The following CTNNA2 variants were observed in gnomAD, a reference collection of about 807,000 sequenced individuals.
CTNNA2 encodes the protein catenin alpha 2.
Under a neutral mutation model 101.0 loss-of-function variants are expected in CTNNA2, and 42 were observed. The ratio of observed to expected loss-of-function variants is 0.42; its 90% CI spans 0.32 to 0.54. The LOEUF (loss-of-function observed/expected upper bound fraction) is 0.54. Ranked by LOEUF, CTNNA2 falls within the 20% of genes least tolerant of loss-of-function variation. CTNNA2 has a pLI of 0.14. For missense variants in CTNNA2, 871 were observed against 1,223.1 expected (o/e 0.71, Z 4.29); for synonymous variants, 450 against 456.4 (o/e 0.99, Z 0.18).
At chr2:80,527,207 T>C (rs1315882794) in intron 9 of CTNNA2, among the ~76,000 whole-genome samples, 1 of 152,186 alleles carries the variant, frequency 6.6e-6, no homozygotes, top group Non-Finnish European at 1.5e-5. Context: ...TTGTAAGAAG[T>C]GATGACATGA....
intron 12 of CTNNA2, among the ~76,000 whole-genome samples, chr2:80,569,649 T>G (rs1289524482): frequency 3.7e-5 from 4 of 109,506 alleles, no homozygotes; most frequent in African/African-American, 1.2e-4. Context: ...TTTTTTTTTT[T>G]TTTTTTTTTT....
At chr2:80,095,951 C>T (rs528704798) in intron 7 of CTNNA2, among the ~76,000 whole-genome samples, 1 of 152,246 alleles carries the variant, frequency 6.6e-6, no homozygotes, top group East Asian at 1.9e-4. Flanking sequence ...TTTCAAAAAA[C>T]CAGCTCCTGG....
At chr2:79,931,934 C>T (rs1687475225) in intron 7 of CTNNA2, among the ~76,000 whole-genome samples, 1 of 152,190 alleles carries the variant, frequency 6.6e-6, no homozygotes. Context: ...CCCCAAATCC[C>T]CAGCACTAGC....
intron 2 of CTNNA2, among the ~76,000 whole-genome samples, chr2:79,682,303 C>T (rs924013125): frequency 7.8e-4 from 114 of 145,924 alleles, no homozygotes; most frequent in Non-Finnish European, 1.2e-3. Context: ...CCCAGCTACT[C>T]GGGAGGCTGA....
At chr2:79,498,426 C>G (rs2103798532) in intron 4 of CTNNA2, among the ~76,000 whole-genome samples, 1 of 152,256 alleles carries the variant, frequency 6.6e-6, no homozygotes, top group East Asian at 1.9e-4. Flanking sequence ...AGTTAGTAGG[C>G]TTTGATCTTT....
intron 3 of CTNNA2, among the ~76,000 whole-genome samples, chr2:79,313,893 A>T (rs1044436059): frequency 6.6e-6 from 1 of 152,142 alleles, no homozygotes; most frequent in Non-Finnish European, 1.5e-5. Flanking sequence ...CTCTCCTCAT[A>T]TGACCGCAGG....
At chr2:79,588,008 A>G (rs1456056813) in intron 1 of CTNNA2, among the ~76,000 whole-genome samples, 2 of 152,214 alleles carry the variant, frequency 1.3e-5, no homozygotes, top group Admixed American at 6.5e-5. Flanking sequence ...AAGTAAATAA[A>G]GTGATGTCTT....
chr2:79,930,314 AAG>A (rs369238637), intron 7 of CTNNA2, among the ~76,000 whole-genome samples: 1 of 123,538 alleles, frequency 8.1e-6, no homozygotes, highest in Non-Finnish European at 1.7e-5. Flanking sequence ...GAAAGAAAGA[AAG>A]AAAGAAAGAA....
chr2:79,724,567 G>A (rs750588857), intron 2 of CTNNA2, among the ~76,000 whole-genome samples: 2 of 152,012 alleles, frequency 1.3e-5, no homozygotes, highest in African/African-American at 2.4e-5. Flanking sequence ...TGTAACCCCA[G>A]TACTTTGGGA....
At chr2:79,290,950 A>G (rs1675789164) in intron 2 of CTNNA2, among the ~76,000 whole-genome samples, 1 of 152,126 alleles carries the variant, frequency 6.6e-6, no homozygotes, top group East Asian at 1.9e-4. Flanking sequence ...AAACTAAAAG[A>G]GCACCCTGTA....
intron 7 of CTNNA2, among the ~76,000 whole-genome samples, chr2:80,012,098 G>A (rs1054721101): frequency 6.6e-6 from 1 of 152,128 alleles, no homozygotes; most frequent in African/African-American, 2.4e-5. Context: ...TTTGAGACCA[G>A]TCTCCCTCCC....
At chr2:80,153,862 A>G (rs1038775788) in intron 7 of CTNNA2, among the ~76,000 whole-genome samples, 7 of 152,186 alleles carry the variant, frequency 4.6e-5, no homozygotes, top group Admixed American at 2.6e-4. Context: ...TTCAAATTAC[A>G]TGGTTCTCCC....
At position 80,347,820 on chromosome 2, in the gene CTNNA2, T is replaced by C. The variant is rs544196223; in HGVS notation, c.1057-45391T>C. Among the ~76,000 whole-genome samples, 14 of 150,592 alleles carry C rather than the reference T, an allele frequency of 9.3e-5. No individual in the cohort carries two copies. In the South Asian group the frequency reaches 2.9e-3, roughly 32 times the overall value. Reference sequence around the variant, plus strand: ...CCCCAGCTGATTCATTTGCACATTATCTTTTCCTTTTTCTTTTCTTTTCTT... The same window carrying C: ...CCCCAGCTGATTCATTTGCACATTACCTTTTCCTTTTTCTTTTCTTTTCTT... On this transcript the variant is annotated intron_variant, in intron 7 of 18. Coordinates refer to ENST00000402739, the MANE Select transcript of CTNNA2 (RefSeq NM_001282597.3).
At chr2:79,862,195 T>G (rs1162072635) in intron 4 of CTNNA2, among the ~76,000 whole-genome samples, 4 of 152,198 alleles carry the variant, frequency 2.6e-5, no homozygotes, top group Non-Finnish European at 5.9e-5. Flanking sequence ...ATGTTCTTGA[T>G]TATTTGATAA....
intron 7 of CTNNA2, among the ~76,000 whole-genome samples, chr2:80,025,133 C>T (rs1694852133): frequency 6.6e-6 from 1 of 152,190 alleles, no homozygotes; most frequent in African/African-American, 2.4e-5. Flanking sequence ...TCTGCCACTC[C>T]ACTTTGCCCT....
In CTNNA2 at chr2:80,165,186, A is replaced by T. The variant is rs552988348; in HGVS notation, c.1057-228025A>T. Among the ~76,000 whole-genome samples the T allele has an allele frequency of 4.6e-5, 7 of 151,532 alleles. No homozygotes were observed. The South Asian group carries it at 1.5e-3, about 32-fold the overall frequency. On this transcript the variant is annotated intron_variant, in intron 7 of 18. Coordinates refer to ENST00000402739, the MANE Select transcript of CTNNA2 (RefSeq NM_001282597.3). ...GGACCTCAACTTACAGGAATGTCAG[A>T]TCTTTTATAGTACCATAGGTCCCTA...
intron 3 of CTNNA2, among the ~76,000 whole-genome samples, chr2:79,780,183 A>G (rs4852520): frequency 0.068 from 10,324 of 152,172 alleles, 619 homozygotes; most frequent in South Asian, 0.19. Flanking sequence ...TCCAGACTGA[A>G]CCAATGTACA....
chr2:79,888,009 A>G (rs1684020162), intron 6 of CTNNA2, among the ~76,000 whole-genome samples: 1 of 152,176 alleles, frequency 6.6e-6, no homozygotes, highest in Admixed American at 6.5e-5. Context: ...ACTACAATTT[A>G]TATATGTAAT....
At chr2:80,488,267 T>C (rs1003258938) in intron 9 of CTNNA2, among the ~76,000 whole-genome samples, 1 of 152,202 alleles carries the variant, frequency 6.6e-6, no homozygotes, top group African/African-American at 2.4e-5. Flanking sequence ...CATAAATTCA[T>C]AAATTTACCA....
Sources: gnomAD v4.1 joint callset for allele counts (sites outside exome capture counted in the v4.1 genomes callset) on GRCh38, gnomAD v4.1.1 for gene constraint, MANE v1.5 for transcripts, NCBI Gene and HGNC (gene_info 2026-07-23, HGNC 2026-07-21) for gene names.